Variants in ATXN1 observed in about 807,000 individuals in gnomAD.
The protein encoded by ATXN1 is ataxin 1.
ATXN1 carries 8 observed loss-of-function variants against 56.4 expected under a neutral mutation model. The ratio of observed to expected loss-of-function variants is 0.14; its 90% CI spans 0.08 to 0.26. The LOEUF (loss-of-function observed/expected upper bound fraction) is 0.26. ATXN1 is among the 10% of genes least tolerant of loss of function. The pLI is 1.00. For synonymous variants in ATXN1, 514 were observed against 494.6 expected, an observed-to-expected ratio of 1.04 and a Z score of -0.52; for missense variants, 987 against 1,106.5, an observed-to-expected ratio of 0.89 and a Z score of 1.53.
intron 3 of ATXN1, among the ~76,000 whole-genome samples, chr6:16,609,217 G>A (rs1763062557): frequency 6.6e-6 from 1 of 152,222 alleles, no homozygotes. Context: ...CGCTGGAGGT[G>A]AGAGCAGGCT....
intron 5 of ATXN1, 90 bp from the exon 6 acceptor site, chr6:16,486,199 T>A (rs1268716455): frequency 6.6e-6 from 1 of 152,176 alleles, no homozygotes; most frequent in Admixed American, 6.5e-5. Context: ...TCACGACCAA[T>A]TAGACGAATT....
At chr6:16,691,667 C>T (rs570769647) in intron 2 of ATXN1, among the ~76,000 whole-genome samples, 2 of 152,256 alleles carry the variant, frequency 1.3e-5, no homozygotes, top group Non-Finnish European at 2.9e-5. Context: ...TGAGAAGATA[C>T]TCTGAACAGA....
intron 7 of ATXN1, among the ~76,000 whole-genome samples, chr6:16,323,387 C>T (rs924180543): frequency 5.9e-5 from 9 of 151,854 alleles, no homozygotes; most frequent in Non-Finnish European, 1.3e-4. Flanking sequence ...GGGGTGATGG[C>T]GTGTGCCTGT....
In ATXN1 at chr6:16,410,394, T is replaced by C. The variant is rs1054866293; in HGVS notation, c.-161+75578A>G. Among the ~76,000 whole-genome samples, 1 of 152,214 alleles carries C rather than the reference T, an allele frequency of 6.6e-6. No individual in the cohort carries two copies. The highest frequency in any genetic ancestry group is 2.4e-5 in the African/African-American group (1 of 41,458). ...CCTGAAATGAACAGTGAAGACTAAA[T>C]CTGACTTACAAAGGTGAGGAGCAGG... On this transcript the variant is annotated intron_variant, in intron 6 of 7. Coordinates refer to ENST00000436367, the MANE Select transcript of ATXN1 (RefSeq NM_001128164.2). The surrounding 1 kb of genome is among the most constrained non-coding windows in gnomAD (Gnocchi z 4.6).
intron 7 of ATXN1, among the ~76,000 whole-genome samples, chr6:16,310,338 A>G (rs1156869060): frequency 6.6e-6 from 1 of 152,216 alleles, no homozygotes; most frequent in Non-Finnish European, 1.5e-5. Flanking sequence ...TATAGAAAAT[A>G]CTAAAAGGTA....
At chr6:16,400,201 C>A (rs1175616567) in intron 6 of ATXN1, among the ~76,000 whole-genome samples, 6 of 152,220 alleles carry the variant, frequency 3.9e-5, no homozygotes, top group Non-Finnish European at 5.9e-5. Flanking sequence ...TTCCACTCTG[C>A]CCTCTGAATA....
intron 2 of ATXN1, among the ~76,000 whole-genome samples, chr6:16,714,961 C>T (rs1759608372): frequency 6.6e-6 from 1 of 152,134 alleles, no homozygotes; most frequent in Non-Finnish European, 1.5e-5. Context: ...GGGCATGAAA[C>T]AGAATGTGGC....
intron 6 of ATXN1, among the ~76,000 whole-genome samples, chr6:16,356,091 T>G (rs1275676776): frequency 6.6e-6 from 1 of 152,244 alleles, no homozygotes; most frequent in East Asian, 1.9e-4. Context: ...CTAATATTCC[T>G]CTTGCTCACA....
intron 6 of ATXN1, among the ~76,000 whole-genome samples, chr6:16,433,492 C>T (rs1759328454): frequency 6.6e-6 from 1 of 152,150 alleles, no homozygotes; most frequent in African/African-American, 2.4e-5. Flanking sequence ...GCAACCTGCC[C>T]CTACAAGCAA....
Position 16,304,284 on chromosome 6 carries a change from C to A in ATXN1, c.*2045G>T, listed in dbSNP as rs1210807091. On this transcript the variant is annotated 3_prime_UTR_variant, in exon 8 of 8. Transcript: ENST00000436367. ...TCCAAGTAAGAATATTTAAAAATTTCTCCCTACTTATAAAACTTTTTTTTA... is the reference window on the plus strand; with the variant it reads ...TCCAAGTAAGAATATTTAAAAATTTATCCCTACTTATAAAACTTTTTTTTA... The A allele has an allele frequency of 6.6e-6, 1 of 152,490 alleles. No individual in the cohort carries two copies. Among genetic ancestry groups the A allele is most frequent in the Non-Finnish European group, 1.5e-5 (1 of 68,024 alleles). 9.4% of individuals were successfully genotyped at this position (152,490 alleles called of 1,614,324 possible).
intron 4 of ATXN1, among the ~76,000 whole-genome samples, chr6:16,550,118 T>C (rs1435181753): frequency 7.2e-6 from 1 of 139,404 alleles, no homozygotes; most frequent in Non-Finnish European, 1.5e-5. Context: ...TCTACATATG[T>C]ACCCCAGAAC....
intron 4 of ATXN1, among the ~76,000 whole-genome samples, chr6:16,582,089 C>G (rs970291126): frequency 6.6e-6 from 1 of 152,236 alleles, no homozygotes; most frequent in East Asian, 1.9e-4. Context: ...TGGCCTGGTC[C>G]GGCTGTCAAC....
chr6:16,492,795 T>C (rs1180113440), intron 5 of ATXN1, among the ~76,000 whole-genome samples: 12 of 152,172 alleles, frequency 7.9e-5, no homozygotes, highest in Non-Finnish European at 1.6e-4. Flanking sequence ...TTTATCGTTC[T>C]TAAATCTGTA....
intron 6 of ATXN1, among the ~76,000 whole-genome samples, chr6:16,449,963 A>G (rs942815884): frequency 1.3e-5 from 2 of 152,230 alleles, no homozygotes; most frequent in African/African-American, 4.8e-5. Context: ...ACAAAGCTTC[A>G]TTGTTCTTTC....
At chr6:16,617,627 C>T (rs930561423) in intron 3 of ATXN1, among the ~76,000 whole-genome samples, 2 of 151,828 alleles carry the variant, frequency 1.3e-5, no homozygotes, top group African/African-American at 2.4e-5. Context: ...ATTAGCCGGG[C>T]GTGGTGGCGG....
intron 2 of ATXN1, among the ~76,000 whole-genome samples, chr6:16,667,978 C>A (rs979260673): frequency 6.6e-6 from 1 of 152,194 alleles, no homozygotes; most frequent in Non-Finnish European, 1.5e-5. Context: ...GGTGGGCTTA[C>A]CTATGTGCTC....
At chr6:16,353,092 G>C (rs1481930024) in intron 6 of ATXN1, among the ~76,000 whole-genome samples, 1 of 152,116 alleles carries the variant, frequency 6.6e-6, no homozygotes, top group African/African-American at 2.4e-5. Context: ...ATGCTACTGA[G>C]AACAGCACGC....
chr6:16,377,663 T>C lies in ATXN1; in HGVS notation c.-160-49193A>G, dbSNP rs376224055. ...GCAGAGAGGAACAAGACTATCTCTG[T>C]ACGCCTGTGTGCACAGGAGCGGGTG... On this transcript the variant is annotated intron_variant, in intron 6 of 7. Coordinates refer to ENST00000436367, the MANE Select transcript of ATXN1 (RefSeq NM_001128164.2). Among the ~76,000 whole-genome samples, 36 of 152,238 alleles carry C rather than the reference T, an allele frequency of 2.4e-4. No individual in the cohort carries two copies. In the South Asian group the frequency reaches 6.7e-3, roughly 28 times the overall value.
At chr6:16,595,813 A>G (rs1762804018) in intron 3 of ATXN1, among the ~76,000 whole-genome samples, 1 of 152,168 alleles carries the variant, frequency 6.6e-6, no homozygotes, top group African/African-American at 2.4e-5. Flanking sequence ...TTTTTTGGTG[A>G]CTATCAGTGA....
Sources: gnomAD v4.1 joint callset for allele counts (sites outside exome capture counted in the v4.1 genomes callset) on GRCh38, gnomAD v4.1.1 for gene constraint, Gnocchi (gnomAD v3.1) non-coding constraint, MANE v1.5 for transcripts, NCBI Gene and HGNC (gene_info 2026-07-23, HGNC 2026-07-21) for gene names.